KALRN: variants seen among roughly 807,000 people sequenced by gnomAD.
The protein encoded by KALRN is kalirin.
Under a neutral mutation model 353.7 loss-of-function variants are expected in KALRN, and 70 were observed. The observed-to-expected ratio is 0.20, with a 90% CI of 0.16 to 0.24. The LOEUF is 0.24. KALRN is among the 10% of genes least tolerant of loss of function. The pLI is 1.00. For missense variants in KALRN, 2,791 were observed against 3,756.7 expected (o/e 0.74, Z 6.72); for synonymous variants, 1,391 against 1,434.8 (o/e 0.97, Z 0.69).
intron 2 of KALRN, among the ~76,000 whole-genome samples, chr3:124,234,086 C>CT (rs2079483276): frequency 6.6e-6 from 1 of 152,156 alleles, no homozygotes; most frequent in Non-Finnish European, 1.5e-5. Context: ...CAGAAATTGT[C>CT]ATTTTGGTAT....
chr3:124,314,338 C>T (rs943089161), intron 6 of KALRN, among the ~76,000 whole-genome samples: 3 of 104,620 alleles, frequency 2.9e-5, no homozygotes, highest in Admixed American at 3.0e-4. Context: ...CATCACATAC[C>T]GGGGCCTGTT....
intron 34 of KALRN, among the ~76,000 whole-genome samples, chr3:124,617,069 C>T (rs1578373739): frequency 2.6e-5 from 4 of 152,014 alleles, no homozygotes; most frequent in East Asian, 3.9e-4. Context: ...TGGTGGCTCA[C>T]GTCTGTAATC....
intron 13 of KALRN, among the ~76,000 whole-genome samples, chr3:124,410,492 A>G (rs2092055654): frequency 6.6e-6 from 1 of 152,258 alleles, no homozygotes; most frequent in African/African-American, 2.4e-5. Flanking sequence ...ACAAATCTAC[A>G]ATGAAAAGTT....
At chr3:124,188,132 G>A (rs1305391186) in intron 1 of KALRN, among the ~76,000 whole-genome samples, 1 of 152,176 alleles carries the variant, frequency 6.6e-6, no homozygotes, top group Non-Finnish European at 1.5e-5. Flanking sequence ...AGCTAGAGTT[G>A]AGCCCCCAGC....
chr3:124,164,008 G>A (rs566497512), intron 1 of KALRN: 1 of 983,434 alleles, frequency 1.0e-6, no homozygotes, highest in Admixed American at 6.1e-5. Flanking sequence ...TTGTGTTTTG[G>A]ATTTACTGCA....
At chr3:124,136,750 C>G (rs915305421) in intron 1 of KALRN, among the ~76,000 whole-genome samples, 1 of 152,166 alleles carries the variant, frequency 6.6e-6, no homozygotes, top group African/African-American at 2.4e-5. Context: ...TCCTAGAATC[C>G]TAATCCAGGA....
chr3:124,133,291 C>G (rs960022048), intron 1 of KALRN, among the ~76,000 whole-genome samples: 34 of 152,182 alleles, frequency 2.2e-4, no homozygotes, highest in African/African-American at 7.7e-4. Context: ...AGCTGGGTGA[C>G]AGTATTTTAG....
chr3:124,404,653 T>C (rs1161305430), intron 13 of KALRN, among the ~76,000 whole-genome samples: 1 of 137,838 alleles, frequency 7.3e-6, no homozygotes, highest in East Asian at 4.8e-4. Flanking sequence ...ATTTAGTCTT[T>C]TTCTTTTTTT....
chr3:124,380,800 A>G (rs2087252523), intron 10 of KALRN, among the ~76,000 whole-genome samples: 1 of 152,240 alleles, frequency 6.6e-6, no homozygotes, highest in South Asian at 2.1e-4. Context: ...ACACATTTCT[A>G]TTTCAAGGCT....
At chr3:124,279,768 T>C (rs2075157409) in intron 5 of KALRN, among the ~76,000 whole-genome samples, 1 of 152,228 alleles carries the variant, frequency 6.6e-6, no homozygotes, top group South Asian at 2.1e-4. Flanking sequence ...CATTCAGGCC[T>C]GGCCATGTTG....
chr3:124,201,888 T>C (rs1413242715), intron 1 of KALRN, among the ~76,000 whole-genome samples: 1 of 152,258 alleles, frequency 6.6e-6, no homozygotes, highest in Non-Finnish European at 1.5e-5. Flanking sequence ...TAGCTAGGTT[T>C]GGCCCTTGGA....
chr3:124,329,571 A>AGTTAGTG (rs2080291826), intron 7 of KALRN, among the ~76,000 whole-genome samples: 2 of 152,208 alleles, frequency 1.3e-5, no homozygotes, highest in African/African-American at 4.8e-5. Flanking sequence ...TGGACATTAC[A>AGTTAGTG]GTTAGTGTGT....
At chr3:124,413,390 G>A in intron 13 of KALRN, 80 bp from the exon 14 acceptor site, 1 of 1,184,690 alleles carries the variant, frequency 8.4e-7, no homozygotes, top group Non-Finnish European at 1.2e-6. Context: ...TCATGAATAA[G>A]GCTTGGAATT....
chr3:124,636,382 G>A (rs188204500), intron 36 of KALRN, among the ~76,000 whole-genome samples: 8 of 152,322 alleles, frequency 5.3e-5, no homozygotes, highest in Admixed American at 4.6e-4. Context: ...CCTTCAGTGA[G>A]CAGGAAGCCC....
chr3:124,538,147 C>G (rs1403385907), intron 33 of KALRN, among the ~76,000 whole-genome samples: 2 of 152,160 alleles, frequency 1.3e-5, no homozygotes, highest in Non-Finnish European at 2.9e-5. Context: ...ACGTATGTAC[C>G]TTCTCTCACC....
At chr3:124,633,976 C>T in intron 36 of KALRN, 23 bp downstream of exon 36, 2 of 1,579,948 alleles carry the variant, frequency 1.3e-6, no homozygotes, top group Non-Finnish European at 1.7e-6. Flanking sequence ...TACTTGCTCA[C>T]TTAAAAGAGC....
intron 10 of KALRN, among the ~76,000 whole-genome samples, chr3:124,366,601 C>G (rs1051562478): frequency 1.3e-5 from 2 of 151,302 alleles, no homozygotes; most frequent in African/African-American, 4.9e-5. Flanking sequence ...CCCATGTCTA[C>G]TTCTTTCTAC....
At position 124,395,330 on chromosome 3, in the gene KALRN, C is replaced by T. The variant is rs944511609; in HGVS notation, c.2158C>T (p.Pro720Ser). The change falls in exon 12 of 60, where the codon CCC becomes TCC. Residue 720 changes from proline to serine, a missense_variant. Physicochemically the swap from Pro to Ser is moderately conservative, Grantham distance 74. Transcript: ENST00000682506. ...LRSAPPSLGE[P>S]SEARDSAVSN... ...GTCAGCGCCTCCCTCCCTCGGGGAG[C>T]CCAGCGAGGCCAGGTCAGCATGGGC... 1 of 1,612,118 alleles carries T rather than the reference C, an allele frequency of 6.2e-7. No individual in the cohort carries two copies. Among genetic ancestry groups the T allele is most frequent in the Non-Finnish European group, 8.5e-7 (1 of 1,179,310 alleles).
rs184754141 is a variant in KALRN at position 124,134,066 on chromosome 3, G to T, written c.74-93924G>T. Among the ~76,000 whole-genome samples, 107 of 152,156 alleles carry T rather than the reference G, an allele frequency of 7.0e-4. No individual in the cohort carries two copies. In the South Asian group the frequency reaches 0.014, roughly 20 times the overall value. On this transcript the variant is annotated intron_variant, in intron 1 of 59. Transcript: ENST00000682506. ...TTTGGAACCAAAAAGAGAGCCCATG[G>T]AGCCAAAGCAAGACTAAGCAAAAAG... is the stretch of plus-strand genomic sequence containing the variant.
Sources: gnomAD v4.1 joint callset for allele counts (sites outside exome capture counted in the v4.1 genomes callset) on GRCh38, gnomAD v4.1.1 for gene constraint, MANE v1.5 for transcripts, NCBI Gene and HGNC (gene_info 2026-07-23, HGNC 2026-07-21) for gene names.